Variants in FAM167A observed in about 807,000 individuals in gnomAD.
The protein encoded by FAM167A is protein FAM167A.
Under a neutral mutation model 14.9 loss-of-function variants are expected in FAM167A, and 23 were observed. The ratio of observed to expected loss-of-function variants is 1.55; its 90% CI spans 1.11 to 2.19. The LOEUF (loss-of-function observed/expected upper bound fraction) is 2.19, where lower values mean the gene tolerates loss of function less well. Ranked by LOEUF, FAM167A falls within the 30% of genes most tolerant of loss-of-function variation. The pLI, the probability that FAM167A is intolerant of heterozygous loss-of-function variation, is 0.00. For synonymous variants in FAM167A, 174 were observed against 117.7 expected, an observed-to-expected ratio of 1.48 and a Z score of -3.10; for missense variants, 401 against 281.5, an observed-to-expected ratio of 1.42 and a Z score of -3.04.
chr8:11,437,937 C>T, intron 2 of FAM167A: 1 of 273,018 alleles, frequency 3.7e-6, no homozygotes. Flanking sequence ...TCAGCACGGC[C>T]CTCAGCTCAC....
At chr8:11,471,348 C>A (rs538124611), upstream of FAM167A, among the ~76,000 whole-genome samples, 2 of 152,152 alleles carry the variant, frequency 1.3e-5, no homozygotes, top group African/African-American at 4.8e-5. Flanking sequence ...GAGCGCATCA[C>A]GGCTCTCCTA....
At position 11,455,892 on chromosome 8, in the gene FAM167A, A is replaced by AGTGTGAGTGT. The variant is rs1491189537; in HGVS notation, c.-398+10733_-398+10734insACACTCACAC. Among the ~76,000 whole-genome samples, 13 of 127,218 alleles carry AGTGTGAGTGT rather than the reference A, an allele frequency of 1.0e-4. 1 individual carries two copies. The highest frequency in any genetic ancestry group is 3.5e-4 in the African/African-American group (11 of 31,784). The allele number at this position is 127,218 out of a possible 152,430, so 83.5% of individuals were successfully genotyped here. ...TGTGAGTGTGGGGTGGTTGCCTTGC[A>AGTGTGAGTGT]GAGTGTGAGTGTGAGTGTGAGGGGT... On this transcript the variant is annotated intron_variant, in intron 1 of 2. Coordinates refer to ENST00000284486, the MANE Select transcript of FAM167A (RefSeq NM_053279.3).
chr8:11,442,802 A>G (rs1178077996), intron 2 of FAM167A, among the ~76,000 whole-genome samples: 1 of 151,982 alleles, frequency 6.6e-6, no homozygotes, highest in Non-Finnish European at 1.5e-5. Context: ...TCTCGTTACT[A>G]AAGACGGATA....
At chr8:11,429,741 A>G (rs1300205604) in intron 2 of FAM167A, among the ~76,000 whole-genome samples, 2 of 152,090 alleles carry the variant, frequency 1.3e-5, no homozygotes, top group African/African-American at 4.8e-5. Flanking sequence ...GAAAGGGAAA[A>G]TCCACAGCCC....
chr8:11,431,510 T>C (rs1011003190), intron 2 of FAM167A, among the ~76,000 whole-genome samples: 20 of 152,224 alleles, frequency 1.3e-4, no homozygotes, highest in African/African-American at 4.1e-4. Context: ...ACTGTACATA[T>C]AAAATGGTAC....
At chr8:11,440,501 G>C (rs73663143) in intron 2 of FAM167A, among the ~76,000 whole-genome samples, 2,507 of 152,300 alleles carry the variant, frequency 0.016, 76 homozygotes, top group African/African-American at 0.057. Flanking sequence ...CCTTTTAGCT[G>C]GTCTTGCAGG....
intron 1 of FAM167A, among the ~76,000 whole-genome samples, chr8:11,465,968 G>A (rs1326001503): frequency 6.6e-6 from 1 of 152,030 alleles, no homozygotes; most frequent in Non-Finnish European, 1.5e-5. Context: ...GCAGTAACGG[G>A]TGTGCAGAAA....
Position 11,422,373 on chromosome 8 carries a change from G to GTGTGTGTGTGTGTGTGTGTGT in FAM167A, c.*1999_*2000insACACACACACACACACACACA, listed in dbSNP as rs1554521058. On this transcript the variant is annotated 3_prime_UTR_variant, in exon 3 of 3. Transcript: ENST00000284486. ...TCTCTGTCGTGTGTGTGTGTGTGGGGGTGTGTGTGTGTGTGTGTGTGTGTG... is the reference window on the plus strand; with the variant it reads ...TCTCTGTCGTGTGTGTGTGTGTGGGGTGTGTGTGTGTGTGTGTGTGTGTGTGTGTGTGTGTGTGTGTGTGTG... 8.3e-6 allele frequency: 1 copy of GTGTGTGTGTGTGTGTGTGTGT among 120,196 alleles called. No homozygotes were observed. 7.4% of individuals were successfully genotyped at this position (120,196 alleles called of 1,614,324 possible). A position where few individuals can be genotyped will look rare whatever the true frequency, so the allele number is the denominator to read the frequency against.
chr8:11,425,546 G>A (rs571101217), intron 2 of FAM167A, among the ~76,000 whole-genome samples: 1 of 152,208 alleles, frequency 6.6e-6, no homozygotes, highest in East Asian at 1.9e-4. Context: ...GTAAACACAA[G>A]GTAAAATCCT....
At chr8:11,438,118 T>G (rs1806164193) in intron 2 of FAM167A, 1 of 456,464 alleles carries the variant, frequency 2.2e-6, no homozygotes, top group Non-Finnish European at 4.4e-6. Context: ...AGGCGGCCAG[T>G]GGAGGCCGGT....
chr8:11,444,517 T>C lies in FAM167A; in HGVS notation c.-106A>G. On this transcript the variant is annotated 5_prime_UTR_variant, in exon 2 of 3. Transcript: ENST00000284486. ...CCGCTCTGGGATGGCCTCATCCAGG[T>C]GCCCGAGGGCATTTCCGGGACAGGA... 1 of 1,474,290 alleles carries C rather than the reference T, an allele frequency of 6.8e-7. No homozygotes were observed. Among genetic ancestry groups the C allele is most frequent in the Non-Finnish European group, 8.9e-7 (1 of 1,118,986 alleles). The allele number at this position is 1,474,290 out of a possible 1,614,324, so 91.3% of individuals were successfully genotyped here.
intron 2 of FAM167A, chr8:11,438,474 T>A (rs1247517432): frequency 2.2e-6 from 1 of 457,300 alleles, no homozygotes; most frequent in Non-Finnish European, 4.4e-6. Flanking sequence ...GAAGAATGCA[T>A]ACCGATTACA....
chr8:11,424,297 C>A lies in FAM167A; in HGVS notation c.*76G>T. ...GCCTCCGGGAGACCCACTGGAGTAA[C>A]TTGGCCTCAGCTTCCTCTGACACCC... On this transcript the variant is annotated 3_prime_UTR_variant, in exon 3 of 3. Transcript: ENST00000284486. The A allele has an allele frequency of 4.4e-6, 7 of 1,584,816 alleles. No individual in the cohort carries two copies. The highest frequency in any genetic ancestry group is 2.3e-5 in the South Asian group (2 of 87,324).
In FAM167A at chr8:11,423,274, C is replaced by T. The variant is rs1804887629; in HGVS notation, c.*1099G>A. The T allele has an allele frequency of 1.3e-5, 2 of 152,370 alleles. No homozygotes were observed. Among genetic ancestry groups the T allele is most frequent in the Admixed American group, 1.3e-4 (2 of 15,292 alleles). The allele number at this position is 152,370 out of a possible 1,614,324, so 9.4% of individuals were successfully genotyped here. ...GGGTCTTAACTTGCTGATCCTCAAGCCTGTTGGGAGGGAGAAACTCTTAAA... is the reference window on the plus strand; with the variant it reads ...GGGTCTTAACTTGCTGATCCTCAAGTCTGTTGGGAGGGAGAAACTCTTAAA... On this transcript the variant is annotated 3_prime_UTR_variant, in exon 3 of 3. Coordinates refer to ENST00000284486, the MANE Select transcript of FAM167A (RefSeq NM_053279.3).
At chr8:11,455,139 C>CGTGTGT (rs34859056) in intron 1 of FAM167A, among the ~76,000 whole-genome samples, 3 of 143,550 alleles carry the variant, frequency 2.1e-5, no homozygotes. Context: ...TGTGTGTGTG[C>CGTGTGT]GTGTGTGTGT....
At chr8:11,450,878 C>T (rs1366286229) in intron 1 of FAM167A, among the ~76,000 whole-genome samples, 1 of 152,180 alleles carries the variant, frequency 6.6e-6, no homozygotes, top group African/African-American at 2.4e-5. Context: ...AGTGTCCAGA[C>T]ATAGGTGTGC....
chr8:11,455,139 C>T (rs865773751), intron 1 of FAM167A, among the ~76,000 whole-genome samples: 8 of 143,442 alleles, frequency 5.6e-5, no homozygotes, highest in South Asian at 2.2e-4. Context: ...TGTGTGTGTG[C>T]GTGTGTGTGT....
intron 2 of FAM167A, chr8:11,435,033 C>T (rs2280803): frequency 0.55 from 249,072 of 456,534 alleles, 68,741 homozygotes; most frequent in East Asian, 0.69. Context: ...CTGCCTCCCC[C>T]CCTCACTCAA....
At chr8:11,436,706 C>T (rs1249824166) in intron 2 of FAM167A, among the ~76,000 whole-genome samples, 1 of 152,222 alleles carries the variant, frequency 6.6e-6, no homozygotes, top group East Asian at 1.9e-4. Context: ...TGCCGAAGTG[C>T]CCTGGGGTCA....
Sources: gnomAD v4.1 joint callset for allele counts (sites outside exome capture counted in the v4.1 genomes callset) on GRCh38, gnomAD v4.1.1 for gene constraint, MANE v1.5 for transcripts, NCBI Gene and HGNC (gene_info 2026-07-23, HGNC 2026-07-21) for gene names.